The following TCP11L2 variants were observed in gnomAD, a reference collection of about 807,000 sequenced individuals.
TCP11L2 encodes the protein t-complex 11 like 2, also known as T-complex protein 11-like protein 2.
In TCP11L2, 39 loss-of-function variants were observed where a neutral mutation model predicts 50.7. The observed-to-expected ratio is 0.77, with a 90% CI of 0.60 to 1.01. The LOEUF (loss-of-function observed/expected upper bound fraction) is 1.01, where lower values mean the gene tolerates loss of function less well. TCP11L2 is among the 50% of genes least tolerant of loss of function. The pLI is 0.00. For missense variants in TCP11L2, 612 were observed against 614.7 expected (o/e 1.00, Z 0.05); for synonymous variants, 192 against 219.3 (o/e 0.88, Z 1.10).
At chr12:106,300,994 G>C (rs1234207737), upstream of TCP11L2, among the ~76,000 whole-genome samples, 1 of 152,180 alleles carries the variant, frequency 6.6e-6, no homozygotes, top group African/African-American at 2.4e-5. Flanking sequence ...ATGTTGCCAT[G>C]TGTCATTGTC....
chr12:106,341,163 C>T (rs1401971525), intron 9 of TCP11L2, among the ~76,000 whole-genome samples, 165 bp downstream of exon 9: 1 of 152,196 alleles, frequency 6.6e-6, no homozygotes, highest in Non-Finnish European at 1.5e-5. Flanking sequence ...GCCTAGGACT[C>T]ATTGCTGCTT....
chr12:106,302,514 AC>A (rs963244834), upstream of TCP11L2, among the ~76,000 whole-genome samples: 2 of 143,658 alleles, frequency 1.4e-5, no homozygotes, highest in African/African-American at 5.2e-5. Context: ...AACACTTCTC[AC>A]CCCGCCCCCG....
In TCP11L2 at chr12:106,335,638, G is replaced by A; in HGVS notation, c.773-1G>A. On this transcript the variant is annotated splice_acceptor_variant, in intron 6 of 9. Coordinates refer to ENST00000299045, the MANE Select transcript of TCP11L2 (RefSeq NM_152772.3). LOFTEE classifies it high-confidence loss of function. ...CAAATATGTGGCCTTTTCACTCTTA[G>A]GTGCTCTTGATCAGACTACAGAATG... is the stretch of plus-strand genomic sequence containing the variant. 1 of 1,613,710 alleles carries A rather than the reference G, an allele frequency of 6.2e-7. No homozygotes were observed. Among genetic ancestry groups the A allele is most frequent in the Non-Finnish European group, 8.5e-7 (1 of 1,179,848 alleles).
rs1484497440 is a variant in TCP11L2, at chr12:106,329,957, A to G, written c.773-5682A>G. 1.3e-5 allele frequency: 13 copies of G among 985,514 alleles called. No homozygotes were observed. In the East Asian group the frequency reaches 1.1e-3, roughly 86 times the overall value. The allele number at this position is 985,514 out of a possible 1,614,324, so 61.0% of individuals were successfully genotyped here. On this transcript the variant is annotated intron_variant, in intron 6 of 9. Coordinates refer to ENST00000299045, the MANE Select transcript of TCP11L2 (RefSeq NM_152772.3). ...GTGTGGCAAACAGAACTACTCATAA[A>G]TTATCCCTGCTCAAGTGCTGGGTCC...
intron 5 of TCP11L2, 129 bp downstream of exon 5, chr12:106,321,835 A>G: frequency 1.4e-6 from 1 of 710,388 alleles, no homozygotes; most frequent in East Asian, 2.6e-5. Flanking sequence ...AGAAAACCAT[A>G]TAAGCAGAGA....
At position 106,314,570 on chromosome 12, in the gene TCP11L2, TGTGTGTGA is replaced by T. The variant is rs1463456649; in HGVS notation, c.293+79_293+86del. 298 of 975,720 alleles carry T rather than the reference TGTGTGTGA, an allele frequency of 3.1e-4. No homozygotes were observed. In the African/African-American group the frequency reaches 4.7e-3, roughly 15 times the overall value. 60.4% of individuals were successfully genotyped at this position (975,720 alleles called of 1,614,324 possible). A position where few individuals can be genotyped will look rare whatever the true frequency, so the allele number is the denominator to read the frequency against. ...GTGTGTGTGTGTGTGTGTGTGTGTG[TGTGTGTGA>T]GAGAGAGAGAGAGAGAGAGAGAGAC... On this transcript the variant is annotated intron_variant, in intron 3 of 9. Transcript: ENST00000299045.
upstream of TCP11L2, among the ~76,000 whole-genome samples, chr12:106,302,325 C>CGCTCAGCCCCCGCTCAGCCCCG (rs2034440289): frequency 8.8e-6 from 1 of 114,004 alleles, no homozygotes; most frequent in Non-Finnish European, 1.9e-5. Flanking sequence ...CCGCTCCCCC[C>CGCTCAGCCCCCGCTCAGCCCCG]GCTCAGCCCC....
intron 6 of TCP11L2, chr12:106,325,081 A>G (rs1008783045): frequency 6.6e-6 from 1 of 152,256 alleles, no homozygotes; most frequent in Non-Finnish European, 1.5e-5. Flanking sequence ...CACTCTAAGT[A>G]CTTTACCTGT....
At chr12:106,335,943 A>G (rs2035902967) in intron 7 of TCP11L2, 89 bp from the exon 8 acceptor site, 1 of 1,498,470 alleles carries the variant, frequency 6.7e-7, no homozygotes, top group Non-Finnish European at 8.9e-7. Context: ...TCAGATAAAA[A>G]TGGGAATTTG....
chr12:106,297,947 T>A (rs921493650), upstream of TCP11L2, among the ~76,000 whole-genome samples: 3 of 152,166 alleles, frequency 2.0e-5, no homozygotes, highest in African/African-American at 7.2e-5. Flanking sequence ...TCTTTCTGCT[T>A]CCCAGGGGAC....
chr12:106,318,999 C>T (rs1053958155), intron 4 of TCP11L2, among the ~76,000 whole-genome samples: 32 of 152,188 alleles, frequency 2.1e-4, no homozygotes, highest in African/African-American at 6.7e-4. Context: ...GCAAGCTCCG[C>T]TTCCCGGGTT....
intron 9 of TCP11L2, among the ~76,000 whole-genome samples, chr12:106,342,432 G>C (rs1406754872): frequency 6.6e-6 from 1 of 152,142 alleles, no homozygotes; most frequent in African/African-American, 2.4e-5. Flanking sequence ...TTCACATGCT[G>C]ACATGCATCT....
upstream of TCP11L2, among the ~76,000 whole-genome samples, chr12:106,298,679 G>A (rs545171110): frequency 2.3e-4 from 35 of 150,762 alleles, no homozygotes; most frequent in South Asian, 4.8e-3. Context: ...GTGCCACCAC[G>A]CCCAACTAAT....
At chr12:106,320,266 T>C (rs1044468141) in intron 4 of TCP11L2, among the ~76,000 whole-genome samples, 5 of 152,024 alleles carry the variant, frequency 3.3e-5, no homozygotes, top group Non-Finnish European at 7.4e-5. Context: ...GATGTGGTGG[T>C]GCACCCCTGT....
chr12:106,318,586 G>A lies in TCP11L2; in HGVS notation c.414+122G>A, dbSNP rs931336267. On this transcript the variant is annotated intron_variant, in intron 4 of 9. Coordinates refer to ENST00000299045, the MANE Select transcript of TCP11L2 (RefSeq NM_152772.3). ...TTTACTTCTCACAGTACTGGAGGCT[G>A]GGAAGTCCAAAATCAAAGCACCACC... The A allele has an allele frequency of 8.0e-6, 10 of 1,242,802 alleles. No individual in the cohort carries two copies. The Admixed American group carries it at 2.2e-4, about 28-fold the overall frequency. 77.0% of individuals were successfully genotyped at this position (1,242,802 alleles called of 1,614,324 possible).
chr12:106,341,042 A>G, intron 9 of TCP11L2, 44 bp downstream of exon 9: 1 of 1,541,776 alleles, frequency 6.5e-7, no homozygotes, highest in Non-Finnish European at 8.8e-7. Flanking sequence ...AATTTGCTTT[A>G]ACTTGCTGAT....
chr12:106,346,249 T>C (rs920151265), intron 9 of TCP11L2, 37 bp from the exon 10 acceptor site: 10 of 1,568,396 alleles, frequency 6.4e-6, no homozygotes, highest in African/African-American at 1.4e-5. Context: ...TGTACTTTAA[T>C]AATGGACAGA....
chr12:106,327,955 A>C lies in TCP11L2; in HGVS notation c.772+4309A>C, dbSNP rs117069079. Among the ~76,000 whole-genome samples, 1,012 of 152,344 alleles carry C rather than the reference A, an allele frequency of 6.6e-3. 14 individuals carry two copies. The highest frequency in any genetic ancestry group is 9.3e-3 in the Non-Finnish European group (630 of 68,040). The stretch of plus-strand genomic sequence containing the variant: ...ATCCAACATGTAAATTATCTGTGAA[A>C]ATAGCAAGAGATTATCCCTGGGTGG... On this transcript the variant is annotated intron_variant, in intron 6 of 9. Transcript: ENST00000299045.
At position 106,338,035 on chromosome 12, in the gene TCP11L2, T is replaced by C. The variant is rs147693920; in HGVS notation, c.1142+1822T>C. On this transcript the variant is annotated intron_variant, in intron 8 of 9. Transcript: ENST00000299045. Reference sequence around the variant, plus strand: ...AGACCAAGATGTCATTTATATTGGGTTTGATGATGCATCTTGAAAACTAGA... The same window carrying C: ...AGACCAAGATGTCATTTATATTGGGCTTGATGATGCATCTTGAAAACTAGA... 1.2e-3 allele frequency among the ~76,000 whole-genome samples: 178 copies of C among 152,326 alleles called. 1 individual carries two copies. The South Asian group carries it at 0.014, about 12-fold the overall frequency.
Sources: gnomAD v4.1 joint callset for allele counts (sites outside exome capture counted in the v4.1 genomes callset) on GRCh38, gnomAD v4.1.1 for gene constraint, MANE v1.5 for transcripts, NCBI Gene and HGNC (gene_info 2026-07-23, HGNC 2026-07-21) for gene names.